Variants in ZNF554 observed in about 807,000 individuals in gnomAD.
ZNF554 encodes the protein zinc finger protein 554.
A neutral mutation model predicts 21.2 loss-of-function variants in ZNF554; 15 were observed. The observed-to-expected ratio is 0.71, with a 90% CI of 0.47 to 1.09. The LOEUF is 1.09. ZNF554 is among the 50% of genes least tolerant of loss of function. ZNF554 has a pLI of 0.00. For missense variants in ZNF554, 691 were observed against 662.7 expected, an observed-to-expected ratio of 1.04 and a Z score of -0.47; for synonymous variants, 258 against 251.4, an observed-to-expected ratio of 1.03 and a Z score of -0.25.
chr19:2,822,286 A>G (rs971058949), intron 1 of ZNF554, among the ~76,000 whole-genome samples: 3 of 152,026 alleles, frequency 2.0e-5, no homozygotes, highest in African/African-American at 4.8e-5. Flanking sequence ...CCTGGGCTCA[A>G]GTGATCCTCG....
At chr19:2,820,235 G>A (rs2087244460) in intron 1 of ZNF554, 111 bp downstream of exon 1, 1 of 1,014,586 alleles carries the variant, frequency 9.9e-7, no homozygotes, top group Non-Finnish European at 1.3e-6. Context: ...GTCGCGATAG[G>A]GTCCCCACGG....
chr19:2,832,301 A>G lies in ZNF554; in HGVS notation c.254-2A>G. The G allele has an allele frequency of 6.4e-7, 1 of 1,572,980 alleles. No homozygotes were observed. Among genetic ancestry groups the G allele is most frequent in the Non-Finnish European group, 8.6e-7 (1 of 1,166,124 alleles). ...TCTCAAGTATACTCTTGTCTTTTTC[A>G]GAAGCCTTGAAGAACCAATGTACTG... On this transcript the variant is annotated splice_acceptor_variant, in intron 3 of 4. Coordinates refer to ENST00000317243, the MANE Select transcript of ZNF554 (RefSeq NM_001102651.2). LOFTEE classifies it high-confidence loss of function.
chr19:2,834,400 T>A lies in ZNF554; in HGVS notation c.1165T>A (p.Phe389Ile), dbSNP rs753934706. 2 of 1,613,878 alleles carry A rather than the reference T, an allele frequency of 1.2e-6. No individual in the cohort carries two copies. The highest frequency in any genetic ancestry group is 1.7e-6 in the Non-Finnish European group (2 of 1,179,990). ...CGGGTGCGGTGAGTGCGGGAAAGCC[T>A]TCAACAGGATCTCATCGCTGACTCA... Reference protein sequence around the residue: ...PYGCGECGKAFNRISSLTQHQ... With the variant: ...PYGCGECGKAINRISSLTQHQ... The change falls in exon 5 of 5, where the codon TTC (phenylalanine) becomes ATC (isoleucine). Residue 389 changes from phenylalanine to isoleucine, a missense_variant. Coordinates refer to ENST00000317243, the MANE Select transcript of ZNF554 (RefSeq NM_001102651.2).
rs865807370 is a variant in ZNF554, at chr19:2,834,104, AACAC to A, written c.870_873del (p.His291GlyfsTer14). ...ATCCGCCAGAACAGTCACTTTATTC[AACAC>A]GGGGGGAAGATGTTTGTGTATTTGG... On this transcript the variant is annotated frameshift_variant, in exon 5 of 5. Transcript: ENST00000317243. LOFTEE classifies it low-confidence loss of function (END_TRUNC). 3 of 1,613,984 alleles carry A rather than the reference AACAC, an allele frequency of 1.9e-6. No homozygotes were observed. The highest frequency in any genetic ancestry group is 1.7e-6 in the Non-Finnish European group (2 of 1,180,044).
At chr19:2,826,847 A>G (rs1227369236) in intron 2 of ZNF554, among the ~76,000 whole-genome samples, 25 of 151,970 alleles carry the variant, frequency 1.6e-4, no homozygotes. Flanking sequence ...TATTTTTAGT[A>G]GAGACGGGGT....
rs375258613 is a variant in ZNF554, at chr19:2,835,805, C to G, written c.*953C>G. The G allele has an allele frequency of 1.0e-3, 156 of 152,206 alleles. No homozygotes were observed. The highest frequency in any genetic ancestry group is 3.7e-3 in the African/African-American group (155 of 41,538). 9.4% of individuals were successfully genotyped at this position (152,206 alleles called of 1,614,324 possible). A position where few individuals can be genotyped will look rare whatever the true frequency, so the allele number is the denominator to read the frequency against. ...TGTCTTTACTTTTTATTTCATTGTT[C>G]ATTGTTTTTATTTTAATATTCTTTT... On this transcript the variant is annotated 3_prime_UTR_variant, in exon 5 of 5. Transcript: ENST00000317243.
chr19:2,820,041 G>C lies in ZNF554; in HGVS notation c.-31G>C, dbSNP rs960334926. ...CTGCACGGGGCGCTCCCGCCTCGGGGGCCCTGTCTGGCGCCTCAGCGCGCG... is the reference window on the plus strand; with the variant it reads ...CTGCACGGGGCGCTCCCGCCTCGGGCGCCCTGTCTGGCGCCTCAGCGCGCG... On this transcript the variant is annotated 5_prime_UTR_variant, in exon 1 of 5. Coordinates refer to ENST00000317243, the MANE Select transcript of ZNF554 (RefSeq NM_001102651.2). 15 of 1,202,398 alleles carry C rather than the reference G, an allele frequency of 1.2e-5. No individual in the cohort carries two copies. The African/African-American group carries it at 2.1e-4, about 17-fold the overall frequency. The allele number at this position is 1,202,398 out of a possible 1,614,324, so 74.5% of individuals were successfully genotyped here.
At chr19:2,824,268 G>T (rs553092593) in intron 2 of ZNF554, among the ~76,000 whole-genome samples, 26 of 152,312 alleles carry the variant, frequency 1.7e-4, no homozygotes, top group African/African-American at 5.8e-4. Flanking sequence ...GCGAGGCCCA[G>T]GTCTGCAGCT....
At position 2,834,327 on chromosome 19, in the gene ZNF554, C is replaced by T. The variant is rs368825499; in HGVS notation, c.1092C>T (p.Ser364=). ...CQECGRAFTH[S]STLTRHLRTH... The stretch of plus-strand genomic sequence containing the variant: ...AGTGTGGGCGAGCCTTTACGCACAG[C>T]TCCACCCTCACGCGCCATCTGAGAA... Residue 364 remains serine (S), a synonymous_variant, in exon 5 of 5, where the codon AGC becomes AGT. Coordinates refer to ENST00000317243, the MANE Select transcript of ZNF554 (RefSeq NM_001102651.2). 2.5e-6 allele frequency: 4 copies of T among 1,614,022 alleles called. No homozygotes were observed. Among genetic ancestry groups the T allele is most frequent in the Non-Finnish European group, 2.5e-6 (3 of 1,180,022 alleles).
At position 2,836,494 on chromosome 19, in the gene ZNF554, G is replaced by C. The variant is rs138026251; in HGVS notation, c.*1642G>C. ...ATGCTAAGACGGAAAGCGCTTTGGA[G>C]GTAAAGTTTAAAAAATACAAGGGCT... On this transcript the variant is annotated 3_prime_UTR_variant, in exon 5 of 5. Transcript: ENST00000317243. 8.3e-4 allele frequency among the ~76,000 whole-genome samples: 126 copies of C among 152,290 alleles called. No individual in the cohort carries two copies. The highest frequency in any genetic ancestry group is 1.5e-3 in the Non-Finnish European group (103 of 68,028).
intron 2 of ZNF554, among the ~76,000 whole-genome samples, chr19:2,825,386 C>T (rs1020566648): frequency 1.3e-5 from 2 of 152,166 alleles, no homozygotes; most frequent in African/African-American, 2.4e-5. Flanking sequence ...TCTCAGCTCA[C>T]GCTGAGATCC....
In ZNF554 at chr19:2,821,371, C is replaced by T. The variant is rs555646416; in HGVS notation, c.53+1247C>T. On this transcript the variant is annotated intron_variant, in intron 1 of 4. Transcript: ENST00000317243. This position sits in a 1 kb window ranked among gnomAD's most constrained non-coding sequence, Gnocchi z 8.2. Reference sequence around the variant, plus strand: ...CTCCCAAAGTGACCACTGCGCCCGGCGCCTTTGGTTCTTACATGAGCCTCC... The same window carrying T: ...CTCCCAAAGTGACCACTGCGCCCGGTGCCTTTGGTTCTTACATGAGCCTCC... Among the ~76,000 whole-genome samples the T allele has an allele frequency of 2.6e-5, 4 of 151,974 alleles. No individual in the cohort carries two copies. The highest frequency in any genetic ancestry group is 2.1e-4 in the South Asian group (1 of 4,836).
intron 3 of ZNF554, among the ~76,000 whole-genome samples, chr19:2,829,075 T>C (rs1412517999): frequency 6.6e-6 from 1 of 152,108 alleles, no homozygotes; most frequent in Non-Finnish European, 1.5e-5. Context: ...ATAAAAAATG[T>C]AGGCTGGGCG....
At position 2,825,054 on chromosome 19, in the gene ZNF554, A is replaced by C. The variant is rs536286348; in HGVS notation, c.126+1942A>C. 7.4e-4 allele frequency among the ~76,000 whole-genome samples: 94 copies of C among 126,536 alleles called. 1 individual carries two copies. The highest frequency in any genetic ancestry group is 2.7e-3 in the African/African-American group (87 of 32,746). The allele number at this position is 126,536 out of a possible 152,430, so 83.0% of individuals were successfully genotyped here. A position where few individuals can be genotyped will look rare whatever the true frequency, so the allele number is the denominator to read the frequency against. On this transcript the variant is annotated intron_variant, in intron 2 of 4. Transcript: ENST00000317243. ...TTGAGACAAGGTCTTGCTCTGTTGC[A>C]CAGGTTGGAGTGCAGTGGCGCGATC... is the stretch of plus-strand genomic sequence containing the variant.
At chr19:2,820,396 C>T (rs557082832) in intron 1 of ZNF554, among the ~76,000 whole-genome samples, 13 of 152,354 alleles carry the variant, frequency 8.5e-5, no homozygotes, top group Admixed American at 5.2e-4. Flanking sequence ...TGACTCTACC[C>T]TAAAGGCAGA....
chr19:2,826,761 A>G (rs954825142), intron 2 of ZNF554, among the ~76,000 whole-genome samples: 2 of 150,434 alleles, frequency 1.3e-5, no homozygotes, highest in African/African-American at 4.9e-5. Context: ...TCCTGGGTTC[A>G]TGCCATTCTC....
Position 2,820,211 on chromosome 19 carries a change from C to T in ZNF554, c.53+87C>T, listed in dbSNP as rs1360795625. On this transcript the variant is annotated intron_variant, in intron 1 of 4. Coordinates refer to ENST00000317243, the MANE Select transcript of ZNF554 (RefSeq NM_001102651.2). ...GCTGGGTCTGGCGGGGCCGGGTGGC[C>T]GGGGCATGACCCTGTCGCGATAGGG... 8 of 1,153,634 alleles carry T rather than the reference C, an allele frequency of 6.9e-6. No individual in the cohort carries two copies. In the South Asian group the frequency reaches 3.0e-4, roughly 44 times the overall value. The allele number at this position is 1,153,634 out of a possible 1,614,324, so 71.5% of individuals were successfully genotyped here.
intron 2 of ZNF554, 87 bp downstream of exon 2, chr19:2,823,199 C>A: frequency 7.6e-7 from 1 of 1,312,418 alleles, no homozygotes; most frequent in Non-Finnish European, 1.1e-6. Flanking sequence ...TAGAGGAGAC[C>A]CCTTGCTATG....
At chr19:2,823,695 C>T (rs10411766) in intron 2 of ZNF554, among the ~76,000 whole-genome samples, 88,880 of 151,928 alleles carry the variant, frequency 0.59, 26,573 homozygotes, top group South Asian at 0.8. Flanking sequence ...TCTCTGCAGC[C>T]TTCAGTGGAG....
Sources: allele counts gnomAD v4.1 joint callset (sites outside exome capture counted in the v4.1 genomes callset), GRCh38; gene constraint gnomAD v4.1.1; non-coding constraint Gnocchi (gnomAD v3.1); transcripts MANE v1.5; gene names NCBI Gene and HGNC (gene_info 2026-07-23, HGNC 2026-07-21).